Variants in SPTBN1 observed in about 807,000 individuals in gnomAD.
SPTBN1 encodes the protein spectrin beta, non-erythrocytic 1, also known as spectrin beta chain, non-erythrocytic 1.
SPTBN1 carries 32 observed loss-of-function variants against 266.4 expected under a neutral mutation model. The ratio of observed to expected loss-of-function variants is 0.12; its 90% CI spans 0.09 to 0.16. SPTBN1 has a LOEUF of 0.16. Among genes scored for constraint, SPTBN1 ranks in the 10% least tolerant of loss-of-function variants. The probability of loss-of-function intolerance (pLI) is 1.00; values close to 1 mark genes in which losing one functional copy is unlikely to be tolerated. For synonymous variants in SPTBN1, 1,336 were observed against 1,162.2 expected, an observed-to-expected ratio of 1.15 and a Z score of -3.04; for missense variants, 2,296 against 3,067.1, an observed-to-expected ratio of 0.75 and a Z score of 5.94.
intron 2 of SPTBN1, among the ~76,000 whole-genome samples, chr2:54,543,432 T>G (rs1194693356): frequency 6.6e-6 from 1 of 152,030 alleles, no homozygotes; most frequent in Non-Finnish European, 1.5e-5. Flanking sequence ...CAAGGGAAGA[T>G]GAGGAGAAGC....
At chr2:54,586,946 T>C (rs1419350358) in intron 2 of SPTBN1, among the ~76,000 whole-genome samples, 4 of 152,180 alleles carry the variant, frequency 2.6e-5, no homozygotes, top group African/African-American at 9.7e-5. Flanking sequence ...GAGTTCTATT[T>C]TTCCCTCTTT....
intron 17 of SPTBN1, among the ~76,000 whole-genome samples, chr2:54,636,247 T>C (rs896510490): frequency 6.6e-6 from 1 of 152,240 alleles, no homozygotes; most frequent in African/African-American, 2.4e-5. Context: ...TTCCTGATGC[T>C]ATGGAACTCC....
chr2:54,645,318 C>T lies in SPTBN1; in HGVS notation c.4359C>T (p.Thr1453=), dbSNP rs145927206. 2.3e-5 allele frequency: 37 copies of T among 1,614,032 alleles called. No individual in the cohort carries two copies. Among genetic ancestry groups the T allele is most frequent in the Admixed American group, 1.8e-4 (11 of 60,000 alleles). Residue 1453 remains threonine, a synonymous_variant, in exon 21 of 36, where the codon ACC becomes ACT. Coordinates refer to ENST00000356805, the MANE Select transcript of SPTBN1 (RefSeq NM_003128.3). The surrounding 1 kb of genome is among the most constrained non-coding windows in gnomAD (Gnocchi z 4.3). ...AQALSQEGKS[T]DEVDSKRLTV... is the part of the protein sequence containing the mutation. ...CCCTGAGTCAGGAAGGGAAGAGCAC[C>T]GACGAGGTAGACAGCAAGCGCCTCA...
At chr2:54,486,901 A>G (rs564748780) in intron 1 of SPTBN1, among the ~76,000 whole-genome samples, 1 of 152,062 alleles carries the variant, frequency 6.6e-6, no homozygotes, top group South Asian at 2.1e-4. Context: ...GTATTGAAAA[A>G]ACTGCTTTTG....
At chr2:54,528,501 G>T (rs1670973119) in intron 2 of SPTBN1, 1 of 152,340 alleles carries the variant, frequency 6.6e-6, no homozygotes, top group Non-Finnish European at 1.5e-5. Flanking sequence ...TGTGTGCCAG[G>T]CACTGTGGGA....
chr2:54,549,376 ATATGACAGGAT>A (rs1397323643), intron 2 of SPTBN1, among the ~76,000 whole-genome samples: 1 of 152,052 alleles, frequency 6.6e-6, no homozygotes, highest in Admixed American at 6.5e-5. Flanking sequence ...ATGCTGCAGC[ATATGACAGGAT>A]TTCCTTGCTT....
At position 54,668,345 on chromosome 2, in the gene SPTBN1, G is replaced by A. The variant is rs777525675; in HGVS notation, c.6877-6G>A. The A allele has an allele frequency of 5.0e-6, 8 of 1,612,972 alleles. No individual in the cohort carries two copies. The South Asian group carries it at 5.5e-5, about 11-fold the overall frequency. ...GAGTCTCACCTGTGTCCCTTCCTCT[G>A]TCCAGGAGGAAATGAACACATGGAT... is the stretch of plus-strand genomic sequence containing the variant. On this transcript the variant is annotated splice_polypyrimidine_tract_variant and splice_region_variant and intron_variant, in intron 35 of 35. Coordinates refer to ENST00000356805, the MANE Select transcript of SPTBN1 (RefSeq NM_003128.3).
Position 54,629,603 on chromosome 2 carries a change from G to A in SPTBN1, c.2469G>A (p.Arg823=). 6.2e-7 allele frequency: 1 copy of A among 1,614,020 alleles called. No homozygotes were observed. The highest frequency in any genetic ancestry group is 1.1e-5 in the South Asian group (1 of 91,088). Residue 823 remains arginine, a synonymous_variant, in exon 14 of 36, where the codon AGG becomes AGA. Transcript: ENST00000356805. ...EHAESPDVRG[R]LSGIEERYKE... is the part of the protein sequence containing the mutation. Reference sequence around the variant, plus strand: ...CCGAGTCTCCAGACGTGAGGGGCAGGCTGTCGGGCATCGAGGAGCGGTATA... The same window carrying A: ...CCGAGTCTCCAGACGTGAGGGGCAGACTGTCGGGCATCGAGGAGCGGTATA...
intron 1 of SPTBN1, among the ~76,000 whole-genome samples, chr2:54,513,387 A>AT (rs1446750790): frequency 3.9e-5 from 6 of 152,090 alleles, no homozygotes; most frequent in African/African-American, 1.4e-4. Context: ...TTTGCAGAGG[A>AT]TTTTGGCATT....
At chr2:54,641,906 C>T (rs1312028419) in intron 18 of SPTBN1, among the ~76,000 whole-genome samples, 5 of 152,208 alleles carry the variant, frequency 3.3e-5, no homozygotes, top group Admixed American at 3.3e-4. Flanking sequence ...TGTGTCACTT[C>T]TAGATCTTTG....
chr2:54,456,930 GAGCGGAC>G (rs145364614), intron 1 of SPTBN1, among the ~76,000 whole-genome samples: 5,977 of 150,466 alleles, frequency 0.04, 301 homozygotes, highest in East Asian at 0.11. Flanking sequence ...GGTGGGTGCG[GAGCGGAC>G]AGCGGACAGC....
chr2:54,528,968 T>C (rs909672872), intron 2 of SPTBN1, among the ~76,000 whole-genome samples: 10 of 152,150 alleles, frequency 6.6e-5, no homozygotes, highest in Non-Finnish European at 1.0e-4. Context: ...ATCCTACTTA[T>C]TATTTTACTT....
intron 1 of SPTBN1, among the ~76,000 whole-genome samples, chr2:54,469,125 G>A (rs1041142945): frequency 3.3e-5 from 5 of 152,166 alleles, no homozygotes; most frequent in African/African-American, 4.8e-5. Context: ...TAAGCCTTTA[G>A]GACATCAGAT....
chr2:54,493,966 A>T (rs757024031), intron 1 of SPTBN1, among the ~76,000 whole-genome samples: 17 of 152,232 alleles, frequency 1.1e-4, no homozygotes, highest in Non-Finnish European at 1.9e-4. Context: ...ACATGCAAAG[A>T]AAGGGTCCTC....
At chr2:54,632,894 C>A (rs1412699326) in intron 17 of SPTBN1, 126 bp downstream of exon 17, 7 of 1,011,422 alleles carry the variant, frequency 6.9e-6, no homozygotes, top group Non-Finnish European at 1.0e-5. Context: ...GGGTGCCCAG[C>A]AGAAGTTCAT....
At chr2:54,604,691 C>T (rs1441286756) in intron 3 of SPTBN1, among the ~76,000 whole-genome samples, 1 of 151,902 alleles carries the variant, frequency 6.6e-6, no homozygotes, top group Non-Finnish European at 1.5e-5. Flanking sequence ...TGTTTTAGAG[C>T]GAGAAAGAAG....
chr2:54,668,236 G>T lies in SPTBN1; in HGVS notation c.6877-115G>T, dbSNP rs114524675. The T allele has an allele frequency of 4.1e-4, 381 of 936,130 alleles. No homozygotes were observed. The African/African-American group carries it at 5.8e-3, about 14-fold the overall frequency. The allele number at this position is 936,130 out of a possible 1,614,324, so 58.0% of individuals were successfully genotyped here. A position where few individuals can be genotyped will look rare whatever the true frequency, so the allele number is the denominator to read the frequency against. On this transcript the variant is annotated intron_variant, in intron 35 of 35. Transcript: ENST00000356805. ...GAGGTGCATTTGGGGACAGTGCCCA[G>T]AAGTGACTCTGCTTACCCCTCAGTT...
At position 54,618,146 on chromosome 2, in the gene SPTBN1, A is replaced by G. The variant is rs1354600872; in HGVS notation, c.716A>G (p.Asn239Ser). The change falls in exon 7 of 36, where the codon AAT becomes AGT. Residue 239 changes from asparagine to serine, a missense_variant. Asn to Ser is a conservative substitution (Grantham distance 46). Transcript: ENST00000356805. ...CACTACAACCTGCAGAATGCATTTA[A>G]TCTGGCAGAACAGCACCTCGGCCTC... ...NAHYNLQNAF[N>S]LAEQHLGLTK... 1 of 1,614,230 alleles carries G rather than the reference A, an allele frequency of 6.2e-7. No homozygotes were observed.
chr2:54,563,311 G>C (rs1023064420), intron 2 of SPTBN1, among the ~76,000 whole-genome samples: 1 of 152,086 alleles, frequency 6.6e-6, no homozygotes, highest in Non-Finnish European at 1.5e-5. Context: ...AAGTTTTTCT[G>C]TCTGCTTTGC....
Sources: allele counts gnomAD v4.1 joint callset (sites outside exome capture counted in the v4.1 genomes callset), GRCh38; gene constraint gnomAD v4.1.1; non-coding constraint Gnocchi (gnomAD v3.1); transcripts MANE v1.5; gene names NCBI Gene and HGNC (gene_info 2026-07-23, HGNC 2026-07-21).